DMD: variants seen among roughly 807,000 people sequenced by gnomAD.
The protein encoded by DMD is dystrophin, also known as mutant dystrophin.
A neutral mutation model predicts 330.1 loss-of-function variants in DMD; 63 were observed. That is an observed-to-expected ratio of 0.19 (90% confidence interval 0.16 to 0.24). DMD has a LOEUF of 0.24. DMD is among the 10% of genes least tolerant of loss of function. DMD has a pLI of 1.00. For missense variants in DMD, 3,344 were observed against 2,684.1 expected, an observed-to-expected ratio of 1.25 and a Z score of -5.43; for synonymous variants, 1,223 against 959.8, an observed-to-expected ratio of 1.27 and a Z score of -5.07.
At chrX:33,252,614 T>TGG (rs201378871) in intron 1 of DMD, among the ~76,000 whole-genome samples, 33 of 107,331 alleles carry the variant, frequency 3.1e-4, no homozygotes, top group Non-Finnish European at 4.2e-4. Context: ...TGGGGTTGAA[T>TGG]GGGGGGGGTG....
intron 44 of DMD, among the ~76,000 whole-genome samples, chrX:31,969,424 T>C (rs2095379463): frequency 8.9e-6 from 1 of 111,843 alleles, no homozygotes; most frequent in Admixed American, 9.5e-5. Flanking sequence ...AAATAATATC[T>C]GAGAACTTGA....
chrX:32,135,554 C>CT (rs1390607745), intron 44 of DMD, among the ~76,000 whole-genome samples: 9 of 111,007 alleles, frequency 8.1e-5, no homozygotes, highest in Admixed American at 9.5e-5. Context: ...AACACCATCT[C>CT]TAAAAAAAAA....
At chrX:32,587,860 T>C (rs2149224308) in intron 13 of DMD, among the ~76,000 whole-genome samples, 1 of 111,890 alleles carries the variant, frequency 8.9e-6, no homozygotes, top group African/African-American at 3.2e-5. Context: ...TTAAATGCTT[T>C]AGCTTCTCAA....
chrX:33,012,019 C>T (rs752772953), intron 2 of DMD, among the ~76,000 whole-genome samples: 1 of 111,524 alleles, frequency 9.0e-6, no homozygotes, highest in Admixed American at 9.6e-5. Context: ...GAGACCAAAA[C>T]ATTTACCTTC....
intron 45 of DMD, among the ~76,000 whole-genome samples, chrX:31,949,208 G>T (rs1313631349): frequency 1.8e-5 from 2 of 111,206 alleles, no homozygotes; most frequent in African/African-American, 6.5e-5. Context: ...CTAAGATGTC[G>T]ATGGAGATTG....
intron 18 of DMD, among the ~76,000 whole-genome samples, chrX:32,503,907 G>T (rs758178238): frequency 2.7e-5 from 3 of 111,873 alleles, no homozygotes; most frequent in South Asian, 3.7e-4. Flanking sequence ...CTAAGTGGGA[G>T]ACCTGACGAT....
intron 55 of DMD, among the ~76,000 whole-genome samples, chrX:31,564,459 T>A (rs2075364704): frequency 9.0e-6 from 1 of 111,534 alleles, no homozygotes; most frequent in Admixed American, 9.5e-5. Context: ...CGTACATATC[T>A]CCTGAAGGAT....
intron 1 of DMD, among the ~76,000 whole-genome samples, chrX:33,305,589 T>A (rs1370585762): frequency 1.0e-5 from 1 of 95,425 alleles, no homozygotes; most frequent in Admixed American, 1.2e-4. Flanking sequence ...TTAAAAAAAA[T>A]GCCAAATATA....
At chrX:32,823,149 G>A (rs1004042919) in intron 5 of DMD, 146 bp downstream of exon 5, 20 of 474,982 alleles carry the variant, frequency 4.2e-5, no homozygotes, top group Middle Eastern at 6.1e-4. Context: ...CATTTCAGAC[G>A]ACATGGTAGT....
chrX:32,868,763 G>A (rs1352111735), intron 2 of DMD, among the ~76,000 whole-genome samples: 2 of 112,622 alleles, frequency 1.8e-5, no homozygotes, highest in African/African-American at 6.5e-5. Flanking sequence ...CTGGACCTGA[G>A]CCCCTAGGGG....
intron 1 of DMD, chrX:33,128,962 G>A (rs763760712): frequency 8.9e-6 from 1 of 111,796 alleles, no homozygotes; most frequent in South Asian, 3.7e-4. Context: ...GATTAAGAAC[G>A]AAACTTCATC....
chrX:32,709,032 A>G (rs767679759), intron 7 of DMD, among the ~76,000 whole-genome samples: 2 of 112,176 alleles, frequency 1.8e-5, no homozygotes, highest in Non-Finnish European at 3.8e-5. Context: ...GATGAAACAC[A>G]CCCAATCAAG....
At chrX:32,280,257 T>C (rs1264153625) in intron 43 of DMD, among the ~76,000 whole-genome samples, 1 of 106,110 alleles carries the variant, frequency 9.4e-6, no homozygotes, top group Non-Finnish European at 1.9e-5. Context: ...GGAACATAAA[T>C]AGAAATTTGT....
At chrX:33,104,582 G>A (rs1425653304) in intron 1 of DMD, among the ~76,000 whole-genome samples, 3 of 106,403 alleles carry the variant, frequency 2.8e-5, no homozygotes, top group Non-Finnish European at 5.8e-5. Context: ...CTATAAAACG[G>A]CCCCACCCCT....
chrX:32,889,782 T>C (rs1360515141), intron 2 of DMD, among the ~76,000 whole-genome samples: 1 of 111,075 alleles, frequency 9.0e-6, no homozygotes, highest in Admixed American at 9.6e-5. Flanking sequence ...CCACCACCCT[T>C]GGCTGACTCC....
intron 11 of DMD, among the ~76,000 whole-genome samples, chrX:32,636,781 G>A (rs1178423655): frequency 9.0e-6 from 1 of 110,581 alleles, no homozygotes; most frequent in Non-Finnish European, 1.9e-5. Context: ...GGTGGATCAC[G>A]AGGTCAGGAG....
At chrX:32,866,567 CAT>C (rs1026226939) in intron 2 of DMD, among the ~76,000 whole-genome samples, 2 of 111,335 alleles carry the variant, frequency 1.8e-5, no homozygotes, top group Admixed American at 9.5e-5. Context: ...AGATCTGACT[CAT>C]GTGCTATTAG....
chrX:32,735,714 T>C (rs763557559), intron 7 of DMD, among the ~76,000 whole-genome samples: 19 of 112,151 alleles, frequency 1.7e-4, no homozygotes, highest in East Asian at 8.4e-4. Flanking sequence ...GCTAGCCATA[T>C]GTAGAAAGCT....
At chrX:32,137,640 G>T (rs1307387215) in intron 44 of DMD, among the ~76,000 whole-genome samples, 1 of 110,642 alleles carries the variant, frequency 9.0e-6, no homozygotes, top group Non-Finnish European at 1.9e-5. Context: ...TTTAATTTTG[G>T]ACTAGGGAGT....
Sources: allele counts gnomAD v4.1 joint callset (sites outside exome capture counted in the v4.1 genomes callset), GRCh38; gene constraint gnomAD v4.1.1; transcripts MANE v1.5; gene names NCBI Gene and HGNC (gene_info 2026-07-23, HGNC 2026-07-21).